Variants in FHIT observed in about 807,000 individuals in gnomAD.
FHIT encodes the protein bis(5'-adenosyl)-triphosphatase.
FHIT carries 19 observed loss-of-function variants against 17.9 expected under a neutral mutation model. The observed-to-expected ratio is 1.06, with a 90% CI of 0.74 to 1.56. The LOEUF (loss-of-function observed/expected upper bound fraction) is 1.56. Ranked by LOEUF, FHIT falls within the 40% of genes most tolerant of loss-of-function variation. The probability of loss-of-function intolerance (pLI) is 0.00; values close to 1 mark genes in which losing one functional copy is unlikely to be tolerated. For synonymous variants in FHIT, 81 were observed against 69.7 expected (o/e 1.16, Z -0.81); for missense variants, 248 against 189.2 (o/e 1.31, Z -1.82).
chr3:60,943,792 C>A (rs1708517404), intron 3 of FHIT, among the ~76,000 whole-genome samples: 1 of 152,120 alleles, frequency 6.6e-6, no homozygotes, highest in Admixed American at 6.5e-5. Flanking sequence ...AAATAATATT[C>A]TCTTAAAGCT....
chr3:60,200,727 A>G (rs968591159), intron 5 of FHIT, among the ~76,000 whole-genome samples: 3 of 151,776 alleles, frequency 2.0e-5, no homozygotes, highest in Admixed American at 2.0e-4. Context: ...ATGTGACCTG[A>G]GGCAATAATA....
Position 60,962,382 on chromosome 3 carries a change from A to T in FHIT, c.-111+79665T>A, listed in dbSNP as rs533703726. On this transcript the variant is annotated intron_variant, in intron 3 of 9. Coordinates refer to ENST00000492590, the MANE Select transcript of FHIT (RefSeq NM_002012.4). ...ACAGTCATGTCATCTGCAAACAGGG[A>T]CAATTTGACTTCCTCTTTTCCTAAT... Among the ~76,000 whole-genome samples the T allele has an allele frequency of 1.3e-4, 20 of 152,302 alleles. No individual in the cohort carries two copies. In the East Asian group the frequency reaches 3.3e-3, roughly 25 times the overall value.
chr3:59,846,430 T>A lies in FHIT; in HGVS notation c.348+75916A>T, dbSNP rs527777286. The stretch of plus-strand genomic sequence containing the variant: ...GTTGTTGATGTCATAAAATTACATC[T>A]ATATATCTTGACTTCCTCAAAACAT... On this transcript the variant is annotated intron_variant, in intron 8 of 9. Transcript: ENST00000492590. 5.9e-5 allele frequency among the ~76,000 whole-genome samples: 9 copies of A among 152,272 alleles called. No homozygotes were observed. The South Asian group carries it at 1.9e-3, about 32-fold the overall frequency.
chr3:60,130,169 G>A (rs897251605), intron 5 of FHIT, among the ~76,000 whole-genome samples: 3 of 152,138 alleles, frequency 2.0e-5, no homozygotes, highest in African/African-American at 7.2e-5. Context: ...AAAGGGAAAG[G>A]TCCCCATGTC....
At chr3:61,080,732 T>G (rs1197125398) in intron 2 of FHIT, among the ~76,000 whole-genome samples, 1 of 152,108 alleles carries the variant, frequency 6.6e-6, no homozygotes, top group Non-Finnish European at 1.5e-5. Context: ...ACTCAATTAT[T>G]TTTCTTTCGG....
At chr3:61,193,905 T>C (rs981484785) in intron 2 of FHIT, among the ~76,000 whole-genome samples, 6 of 152,196 alleles carry the variant, frequency 3.9e-5, no homozygotes, top group Non-Finnish European at 8.8e-5. Flanking sequence ...TTATGTGACA[T>C]AGCAGCCTTC....
chr3:61,130,731 A>G (rs1218783233), intron 2 of FHIT, among the ~76,000 whole-genome samples: 1 of 152,188 alleles, frequency 6.6e-6, no homozygotes, highest in Non-Finnish European at 1.5e-5. Flanking sequence ...TTTGAAATAC[A>G]TAAAAGCTGA....
rs553621265 is a variant in FHIT at position 60,081,739 on chromosome 3, T to C, written c.104-67587A>G. Among the ~76,000 whole-genome samples, 10 of 152,184 alleles carry C rather than the reference T, an allele frequency of 6.6e-5. No homozygotes were observed. In the South Asian group the frequency reaches 1.9e-3, roughly 28 times the overall value. On this transcript the variant is annotated intron_variant, in intron 5 of 9. Transcript: ENST00000492590. Reference sequence around the variant, plus strand: ...ATTATAGATCTGTGGGGTGTGTGAATATGTGTGTGTGTTTTGAGAGATATA... The same window carrying C: ...ATTATAGATCTGTGGGGTGTGTGAACATGTGTGTGTGTTTTGAGAGATATA...
intron 5 of FHIT, among the ~76,000 whole-genome samples, chr3:60,108,981 G>T (rs1184149461): frequency 1.3e-5 from 2 of 152,150 alleles, no homozygotes; most frequent in African/African-American, 4.8e-5. Context: ...TCTTTTCTAA[G>T]ATTTGAGTTC....
At position 60,173,918 on chromosome 3, in the gene FHIT, T is replaced by TATATATATATATATATATA. The variant is rs375142735; in HGVS notation, c.104-159767_104-159766insTATATATATATATATATAT. Among the ~76,000 whole-genome samples, 25 of 46,828 alleles carry TATATATATATATATATATA rather than the reference T, an allele frequency of 5.3e-4. 1 individual carries two copies. Among genetic ancestry groups the TATATATATATATATATATA allele is most frequent in the East Asian group, 2.2e-3 (2 of 920 alleles). 30.7% of individuals were successfully genotyped at this position (46,828 alleles called of 152,430 possible). The stretch of plus-strand genomic sequence containing the variant: ...ATATATATATATATATATATATATG[T>TATATATATATATATATATA]TTTTTTTTTTTTTTGAGATCGAGTC... On this transcript the variant is annotated intron_variant, in intron 5 of 9. Transcript: ENST00000492590.
intron 4 of FHIT, among the ~76,000 whole-genome samples, chr3:60,787,004 G>GAAAAAAAA (rs11445450): frequency 7.4e-6 from 1 of 135,832 alleles, no homozygotes; most frequent in African/African-American, 2.7e-5. Context: ...AAGACAAAAA[G>GAAAAAAAA]AAAAAAAAAA....
chr3:60,824,598 G>T lies in FHIT; in HGVS notation c.-110-2587C>A, dbSNP rs113552890. Among the ~76,000 whole-genome samples, 1,372 of 152,270 alleles carry T rather than the reference G, an allele frequency of 9.0e-3. 26 individuals carry two copies. Among genetic ancestry groups the T allele is most frequent in the African/African-American group, 0.03 (1,261 of 41,552 alleles). On this transcript the variant is annotated intron_variant, in intron 3 of 9. Coordinates refer to ENST00000492590, the MANE Select transcript of FHIT (RefSeq NM_002012.4). Reference sequence around the variant, plus strand: ...AAAGCAGCTCAACCTCACTGATATGGTTTGGCTGTGTCCCCACCCAAGTCT... The same window carrying T: ...AAAGCAGCTCAACCTCACTGATATGTTTTGGCTGTGTCCCCACCCAAGTCT...
intron 5 of FHIT, among the ~76,000 whole-genome samples, chr3:60,502,054 C>G (rs1454881753): frequency 6.6e-6 from 1 of 152,086 alleles, no homozygotes; most frequent in Non-Finnish European, 1.5e-5. Flanking sequence ...TCAAGGGGGT[C>G]TAGGTTGTCA....
chr3:59,815,126 C>T (rs553896550), intron 8 of FHIT, among the ~76,000 whole-genome samples: 36 of 152,312 alleles, frequency 2.4e-4, no homozygotes, highest in Non-Finnish European at 3.7e-4. Context: ...ATCCCTAGAT[C>T]CACATCTGTT....
In FHIT at chr3:60,464,665, A is replaced by T. The variant is rs116720635; in HGVS notation, c.103+72195T>A. ...ACTTAACACAATGACCTCCAGTTCC[A>T]TCCAGGTTGTTGCAAATGACAAGAT... On this transcript the variant is annotated intron_variant, in intron 5 of 9. Transcript: ENST00000492590. Among the ~76,000 whole-genome samples the T allele has an allele frequency of 5.4e-3, 820 of 152,264 alleles. 5 individuals are homozygous for T. Among genetic ancestry groups the T allele is most frequent in the Non-Finnish European group, 8.9e-3 (606 of 67,994 alleles).
chr3:60,751,202 A>T (rs1553716727), intron 4 of FHIT, among the ~76,000 whole-genome samples: 1 of 152,220 alleles, frequency 6.6e-6, no homozygotes. Flanking sequence ...CACTTTAATA[A>T]CTACTGGCTT....
At chr3:59,865,033 C>T (rs1702580519) in intron 8 of FHIT, among the ~76,000 whole-genome samples, 1 of 151,996 alleles carries the variant, frequency 6.6e-6, no homozygotes, top group South Asian at 2.1e-4. Context: ...TTGAAACTGC[C>T]CATTTCTGAC....
At chr3:61,249,301 T>C (rs1362100979) in intron 1 of FHIT, among the ~76,000 whole-genome samples, 1 of 152,248 alleles carries the variant, frequency 6.6e-6, no homozygotes, top group Non-Finnish European at 1.5e-5. Flanking sequence ...GCCAGTTTCC[T>C]AATCTCTAAA....
intron 7 of FHIT, among the ~76,000 whole-genome samples, chr3:59,978,788 G>A (rs564854444): frequency 6.6e-5 from 10 of 151,508 alleles, no homozygotes; most frequent in African/African-American, 2.2e-4. Context: ...AGAAGCTTTC[G>A]ATCTAAGAAA....
Sources: gnomAD v4.1 joint callset for allele counts (sites outside exome capture counted in the v4.1 genomes callset) on GRCh38, gnomAD v4.1.1 for gene constraint, MANE v1.5 for transcripts, NCBI Gene and HGNC (gene_info 2026-07-23, HGNC 2026-07-21) for gene names.